CSGALNACT1: variants seen among roughly 807,000 people sequenced by gnomAD.
CSGALNACT1 encodes beta4GalNAcT-1.
Under a neutral mutation model 51.0 loss-of-function variants are expected in CSGALNACT1, and 52 were observed. The ratio of observed to expected loss-of-function variants is 1.02; its 90% CI spans 0.82 to 1.29. The LOEUF (loss-of-function observed/expected upper bound fraction) is 1.29. CSGALNACT1 is among the 50% of genes most tolerant of loss of function. CSGALNACT1 has a pLI of 0.00. For missense variants in CSGALNACT1, 935 were observed against 679.2 expected (o/e 1.38, Z -4.19); for synonymous variants, 341 against 254.4 (o/e 1.34, Z -3.24).
At chr8:19,702,684 C>T (rs1204959624) in intron 1 of CSGALNACT1, among the ~76,000 whole-genome samples, 1 of 152,130 alleles carries the variant, frequency 6.6e-6, no homozygotes, top group Admixed American at 6.5e-5. Flanking sequence ...TCACAGACTG[C>T]TCTGTTGGCC....
intron 1 of CSGALNACT1, among the ~76,000 whole-genome samples, chr8:19,609,283 T>C (rs145785519): frequency 5.9e-4 from 88 of 150,156 alleles, no homozygotes; most frequent in African/African-American, 2.0e-3. Context: ...TAAAAAGATT[T>C]ATGCATACAG....
upstream of CSGALNACT1, among the ~76,000 whole-genome samples, chr8:19,684,561 C>G (rs565664169): frequency 9.1e-4 from 138 of 152,248 alleles, no homozygotes; most frequent in Non-Finnish European, 2.9e-5. Context: ...GGAACAGATG[C>G]CTCCTCCCCT....
At chr8:19,637,337 T>G (rs1465399219) in intron 1 of CSGALNACT1, among the ~76,000 whole-genome samples, 2 of 152,228 alleles carry the variant, frequency 1.3e-5, no homozygotes, top group Non-Finnish European at 2.9e-5. Context: ...AATTTGGAGT[T>G]GGTCGTTTTA....
chr8:19,659,517 A>G (rs1252177775), intron 1 of CSGALNACT1, among the ~76,000 whole-genome samples: 2 of 152,222 alleles, frequency 1.3e-5, no homozygotes, highest in African/African-American at 4.8e-5. Flanking sequence ...AAAATTAGTC[A>G]TATGAATCCC....
chr8:19,614,641 CATTCTAT>C (rs2052747307), intron 1 of CSGALNACT1, among the ~76,000 whole-genome samples: 1 of 150,994 alleles, frequency 6.6e-6, no homozygotes, highest in South Asian at 2.1e-4. Context: ...TTATGCTTCT[CATTCTAT>C]ATAGGGCCTG....
At position 19,474,786 on chromosome 8, in the gene CSGALNACT1, G is replaced by C. The variant is rs530230415; in HGVS notation, c.635-16144C>G. ...AGGAGGCTAGGTAGGAGAATCACTT[G>C]AACCTGGGAGGCGGAGGTTGCAGTG... On this transcript the variant is annotated intron_variant, in intron 4 of 9. Transcript: ENST00000454498. 2.2e-3 allele frequency among the ~76,000 whole-genome samples: 318 copies of C among 143,678 alleles called. 4 individuals are homozygous for C. The highest frequency in any genetic ancestry group is 7.8e-3 in the African/African-American group (307 of 39,232). 94.3% of individuals were successfully genotyped at this position (143,678 alleles called of 152,430 possible).
At chr8:19,447,148 C>T (rs2062275236) in intron 5 of CSGALNACT1, among the ~76,000 whole-genome samples, 1 of 152,160 alleles carries the variant, frequency 6.6e-6, no homozygotes, top group South Asian at 2.1e-4. Context: ...AATGACCTGA[C>T]AGAGCTATGG....
At chr8:19,690,034 C>T (rs1310006500) in intron 1 of CSGALNACT1, among the ~76,000 whole-genome samples, 4 of 152,086 alleles carry the variant, frequency 2.6e-5, no homozygotes, top group Admixed American at 6.5e-5. Flanking sequence ...GAGTTTCAAA[C>T]TAAATGTGTT....
At chr8:19,585,477 TCCA>T (rs1254425636) in intron 3 of CSGALNACT1, among the ~76,000 whole-genome samples, 1 of 152,312 alleles carries the variant, frequency 6.6e-6, no homozygotes, top group Admixed American at 6.5e-5. Context: ...TGAGACAATC[TCCA>T]CAGCATAGGT....
At chr8:19,681,763 C>T (rs1445076834) in intron 1 of CSGALNACT1, among the ~76,000 whole-genome samples, 1 of 152,162 alleles carries the variant, frequency 6.6e-6, no homozygotes, top group Non-Finnish European at 1.5e-5. Flanking sequence ...CCAGGCTGGG[C>T]CAGAGTCTGG....
chr8:19,619,108 C>T (rs1320308412), intron 1 of CSGALNACT1, among the ~76,000 whole-genome samples: 1 of 151,970 alleles, frequency 6.6e-6, no homozygotes, highest in East Asian at 1.9e-4. Context: ...AAAGCGTGTA[C>T]AGGGCACTAC....
At chr8:19,718,592 T>C (rs1178453264) in intron 1 of CSGALNACT1, among the ~76,000 whole-genome samples, 2 of 152,202 alleles carry the variant, frequency 1.3e-5, no homozygotes, top group Non-Finnish European at 2.9e-5. Context: ...CTGATAATTA[T>C]TATATGCAAT....
At chr8:19,437,829 A>G (rs1218997544) in intron 6 of CSGALNACT1, among the ~76,000 whole-genome samples, 1 of 152,222 alleles carries the variant, frequency 6.6e-6, no homozygotes, top group African/African-American at 2.4e-5. Flanking sequence ...GATGTTTGCC[A>G]AAGTTTGAGG....
At chr8:19,575,613 A>C (rs1396276847) in intron 3 of CSGALNACT1, among the ~76,000 whole-genome samples, 1 of 152,276 alleles carries the variant, frequency 6.6e-6, no homozygotes, top group African/African-American at 2.4e-5. Context: ...AACTGTAATA[A>C]TTTGAATATT....
At chr8:19,565,703 G>A (rs564068591) in intron 3 of CSGALNACT1, among the ~76,000 whole-genome samples, 6 of 152,306 alleles carry the variant, frequency 3.9e-5, no homozygotes, top group Non-Finnish European at 8.8e-5. Flanking sequence ...TGGATCATCT[G>A]AGGTCAGGTG....
At chr8:19,632,760 TCTTTTA>T (rs1348249451) in intron 1 of CSGALNACT1, among the ~76,000 whole-genome samples, 2 of 151,708 alleles carry the variant, frequency 1.3e-5, no homozygotes, top group African/African-American at 2.4e-5. Flanking sequence ...TTCTGCTGAG[TCTTTTA>T]CTTTTATTTG....
intron 1 of CSGALNACT1, among the ~76,000 whole-genome samples, chr8:19,701,176 TAC>T (rs2061858417): frequency 6.9e-6 from 1 of 144,674 alleles, no homozygotes; most frequent in Non-Finnish European, 1.5e-5. Context: ...TTTTTTTTGA[TAC>T]AGAGTCTCAC....
At position 19,595,110 on chromosome 8, in the gene CSGALNACT1, T is replaced by C. The variant is rs531078336; in HGVS notation, c.-415-3832A>G. Among the ~76,000 whole-genome samples the C allele has an allele frequency of 3.0e-3, 461 of 152,312 alleles. 2 individuals carry two copies. The highest frequency in any genetic ancestry group is 0.011 in the African/African-American group (445 of 41,572). On this transcript the variant is annotated intron_variant, in intron 2 of 9. Coordinates refer to ENST00000454498, the Ensembl canonical transcript of CSGALNACT1. The stretch of plus-strand genomic sequence containing the variant: ...GTAAGCCTCATTGATTTCTGTTTCT[T>C]GTACCTAAGAATCCTAAATAAAAAT...
chr8:19,434,740 T>A (rs551641052), intron 6 of CSGALNACT1, among the ~76,000 whole-genome samples: 1 of 152,254 alleles, frequency 6.6e-6, no homozygotes, highest in African/African-American at 2.4e-5. Flanking sequence ...CTGTCCCTGT[T>A]TCCCAGGGTC....
Sources: gnomAD v4.1 joint callset for allele counts (sites outside exome capture counted in the v4.1 genomes callset) on GRCh38, gnomAD v4.1.1 for gene constraint, MANE v1.5 for transcripts, NCBI Gene and HGNC (gene_info 2026-07-23, HGNC 2026-07-21) for gene names.